Variants in COL11A1 observed in about 807,000 individuals in gnomAD.
COL11A1 encodes the protein collagen type XI alpha 1 chain.
A neutral mutation model predicts 265.2 loss-of-function variants in COL11A1; 74 were observed. That is an observed-to-expected ratio of 0.28 (90% confidence interval 0.23 to 0.34). The LOEUF (loss-of-function observed/expected upper bound fraction) is 0.34. Ranked by LOEUF, COL11A1 falls within the 10% of genes least tolerant of loss-of-function variation. COL11A1 has a pLI of 1.00. For synonymous variants in COL11A1, 816 were observed against 727.6 expected, an observed-to-expected ratio of 1.12 and a Z score of -1.96; for missense variants, 2,165 against 2,263.6, an observed-to-expected ratio of 0.96 and a Z score of 0.88.
At chr1:102,914,572 G>T in intron 51 of COL11A1, 132 bp downstream of exon 51, 1 of 954,934 alleles carries the variant, frequency 1.0e-6, no homozygotes. Flanking sequence ...GAATGCTTAC[G>T]AATATATGAA....
intron 44 of COL11A1, among the ~76,000 whole-genome samples, chr1:102,935,813 A>AAT (rs1287964932): frequency 2.0e-5 from 3 of 152,166 alleles, no homozygotes; most frequent in East Asian, 1.9e-4. Context: ...GGAACTGTTA[A>AAT]AGCAAGATTT....
At chr1:102,882,906 T>C (rs557617300) in intron 64 of COL11A1, among the ~76,000 whole-genome samples, 1 of 152,278 alleles carries the variant, frequency 6.6e-6, no homozygotes, top group South Asian at 2.1e-4. Context: ...AACACTTTAG[T>C]GGCACTAAAA....
chr1:102,886,907 C>T lies in COL11A1; in HGVS notation c.4758G>A (p.Leu1586=), dbSNP rs1557774850. 3 of 1,613,644 alleles carry T rather than the reference C, an allele frequency of 1.9e-6. No homozygotes were observed. The African/African-American group carries it at 4.0e-5, about 22-fold the overall frequency. The change falls in exon 63 of 67, where the codon CTG becomes CTA. Residue 1586 remains leucine (L), a synonymous_variant. Transcript: ENST00000370096. ...ATTTCATATGCTCAATGTCTTGTTT[C>T]AGGGAATTGAGGGAACCAAATATTT... ...MEEIFGSLNS[L]KQDIEHMKFP...
At chr1:102,912,084 C>G in intron 54 of COL11A1, 75 bp downstream of exon 54, 1 of 1,238,410 alleles carries the variant, frequency 8.1e-7, no homozygotes, top group Non-Finnish European at 1.2e-6. Context: ...CTGCCTGCAG[C>G]TTACACACAT....
chr1:103,002,360 G>A lies in COL11A1; in HGVS notation c.2097+68C>T, dbSNP rs114121248. The A allele has an allele frequency of 5.5e-5, 73 of 1,317,862 alleles. No individual in the cohort carries two copies. The African/African-American group carries it at 9.0e-4, about 16-fold the overall frequency. The allele number at this position is 1,317,862 out of a possible 1,614,324, so 81.6% of individuals were successfully genotyped here. A position where few individuals can be genotyped will look rare whatever the true frequency, so the allele number is the denominator to read the frequency against. On this transcript the variant is annotated intron_variant, in intron 23 of 66. Transcript: ENST00000370096. ...CTACATAGAAAATTGTGAGACTGTC[G>A]ATTTTCTTATAGAAAGATAGCATCT...
chr1:102,979,078 C>A lies in COL11A1; in HGVS notation c.2637G>T (p.Arg879=), dbSNP rs1470835502. The A allele has an allele frequency of 2.5e-6, 4 of 1,613,946 alleles. No homozygotes were observed. Among genetic ancestry groups the A allele is most frequent in the Non-Finnish European group, 2.5e-6 (3 of 1,180,022 alleles). Residue 879 remains arginine, a synonymous_variant, in exon 33 of 67, where the codon CGG becomes CGT. Transcript: ENST00000370096. ...CACCTACCGTTGGACCACGCTGACC[C>A]CGAGGGCCTGGTTTGCCAGCTACTC... ...ARGVAGKPGP[R]GQRGPTGPRG... is the part of the protein sequence containing the mutation.
At chr1:102,988,718 C>T (rs1356749304) in intron 29 of COL11A1, among the ~76,000 whole-genome samples, 1 of 152,138 alleles carries the variant, frequency 6.6e-6, no homozygotes, top group South Asian at 2.1e-4. Flanking sequence ...CATTAAATTG[C>T]TTTTAATGCA....
intron 15 of COL11A1, 140 bp from the exon 16 acceptor site, chr1:103,006,455 G>A (rs1665621763): frequency 5.7e-6 from 2 of 350,528 alleles, no homozygotes; most frequent in South Asian, 1.3e-4. Context: ...TTATTTCCAT[G>A]TAAAAGTTCA....
intron 48 of COL11A1, among the ~76,000 whole-genome samples, 177 bp from the exon 49 acceptor site, chr1:102,920,541 A>G (rs1557822225): frequency 6.6e-6 from 1 of 152,188 alleles, no homozygotes. Context: ...AAAGCAAATA[A>G]TTCAATATAT....
At chr1:103,017,220 T>C (rs1037313782) in intron 11 of COL11A1, among the ~76,000 whole-genome samples, 7 of 152,098 alleles carry the variant, frequency 4.6e-5, no homozygotes, top group African/African-American at 1.7e-4. Context: ...GTTAAAAATC[T>C]TCCTTCATTA....
intron 54 of COL11A1, among the ~76,000 whole-genome samples, chr1:102,910,828 T>A (rs1481442790): frequency 6.6e-6 from 1 of 152,146 alleles, no homozygotes; most frequent in African/African-American, 2.4e-5. Context: ...TGTGACTGCA[T>A]TGTTCTACTA....
chr1:102,993,646 T>A (rs1664344650), intron 28 of COL11A1, among the ~76,000 whole-genome samples: 1 of 152,042 alleles, frequency 6.6e-6, no homozygotes, highest in African/African-American at 2.4e-5. Flanking sequence ...CAAGCAACTC[T>A]CCCTCCTTAG....
At chr1:102,990,423 A>G (rs1454710309) in intron 28 of COL11A1, among the ~76,000 whole-genome samples, 1 of 151,906 alleles carries the variant, frequency 6.6e-6, no homozygotes, top group East Asian at 1.9e-4. Context: ...AAAATTAATT[A>G]TATAAAATAG....
chr1:102,966,440 T>G (rs1483511359), intron 37 of COL11A1, among the ~76,000 whole-genome samples: 5 of 152,180 alleles, frequency 3.3e-5, no homozygotes, highest in African/African-American at 9.6e-5. Context: ...ATGAATGAAT[T>G]ATTTACAATA....
chr1:103,065,522 C>CAAAAAAAAA (rs138446065), intron 4 of COL11A1, among the ~76,000 whole-genome samples: 4 of 35,358 alleles, frequency 1.1e-4, no homozygotes, highest in East Asian at 1.1e-3. Flanking sequence ...GACTCCGTCT[C>CAAAAAAAAA]AAAAAAAAAA....
In COL11A1 at chr1:102,877,555, A is replaced by G. The variant is rs1421531144; in HGVS notation, c.*464T>C. ...GCCATCAGAGTTCTGCAATTCTCAT[A>G]AAATTAGAGTCAGATGGAATTCAGG... On this transcript the variant is annotated 3_prime_UTR_variant, in exon 67 of 67. Coordinates refer to ENST00000370096, the MANE Select transcript of COL11A1 (RefSeq NM_001854.4). 1.3e-5 allele frequency: 2 copies of G among 153,904 alleles called. No individual in the cohort carries two copies. Among genetic ancestry groups the G allele is most frequent in the African/African-American group, 4.8e-5 (2 of 41,458 alleles). The allele number at this position is 153,904 out of a possible 1,614,324, so 9.5% of individuals were successfully genotyped here.
At chr1:103,085,669 C>G (rs897274749) in intron 1 of COL11A1, among the ~76,000 whole-genome samples, 6 of 152,074 alleles carry the variant, frequency 3.9e-5, no homozygotes, top group Non-Finnish European at 1.5e-5. Flanking sequence ...CATATGCTGG[C>G]CAAATATCAT....
intron 48 of COL11A1, 144 bp from the exon 49 acceptor site, chr1:102,920,508 A>G: frequency 1.4e-6 from 1 of 692,660 alleles, no homozygotes; most frequent in East Asian, 2.7e-5. Flanking sequence ...AATGATGCTT[A>G]ATAGAATTGT....
chr1:102,961,386 GT>G (rs1029500900), intron 41 of COL11A1, among the ~76,000 whole-genome samples: 1 of 152,066 alleles, frequency 6.6e-6, no homozygotes, highest in Non-Finnish European at 1.5e-5. Flanking sequence ...TTATGCTTAT[GT>G]TTTTTGTATC....
Sources: gnomAD v4.1 joint callset for allele counts (sites outside exome capture counted in the v4.1 genomes callset) on GRCh38, gnomAD v4.1.1 for gene constraint, MANE v1.5 for transcripts, NCBI Gene and HGNC (gene_info 2026-07-23, HGNC 2026-07-21) for gene names.